The following ADH4 variants were observed in gnomAD, a reference collection of about 807,000 sequenced individuals.
ADH4 encodes all-trans-retinol dehydrogenase [NAD(+)] ADH4.
ADH4 carries 31 observed loss-of-function variants against 35.2 expected under a neutral mutation model. That is an observed-to-expected ratio of 0.88 (90% CI 0.66 to 1.19). ADH4 has a LOEUF of 1.19. Among genes scored for constraint, ADH4 ranks in the 50% most tolerant of loss-of-function variants. ADH4 has a pLI of 0.00. For missense variants in ADH4, 476 were observed against 458.3 expected (o/e 1.04, Z -0.35); for synonymous variants, 171 against 160.2 (o/e 1.07, Z -0.51).
Position 99,136,524 on chromosome 4 carries a change from A to ACT in ADH4, c.522_523dup (p.Val175GlufsTer33), listed in dbSNP as rs757321530. ...TGAAAACCCACATCCAAGCAGACAA[A>ACT]CTCTCTCTAAATTTGCATCATCATC... On this transcript the variant is annotated frameshift_variant, in exon 5 of 9. Coordinates refer to ENST00000265512, the MANE Select transcript of ADH4 (RefSeq NM_000670.5). LOFTEE classifies it high-confidence loss of function. The ACT allele has an allele frequency of 5.0e-6, 8 of 1,613,960 alleles. No homozygotes were observed. The highest frequency in any genetic ancestry group is 2.2e-5 in the South Asian group (2 of 91,076).
chr4:99,130,248 C>A (rs1560776214), intron 6 of ADH4, among the ~76,000 whole-genome samples: 1 of 152,140 alleles, frequency 6.6e-6, no homozygotes, highest in Non-Finnish European at 1.5e-5. Flanking sequence ...CAAACACTTT[C>A]AAAATTAAAT....
At position 99,124,474 on chromosome 4, in the gene ADH4, T is replaced by C. The variant is rs750738899; in HGVS notation, c.1119-8A>G. On this transcript the variant is annotated splice_region_variant and splice_polypyrimidine_tract_variant and intron_variant, in intron 8 of 8. Transcript: ENST00000265512. The stretch of plus-strand genomic sequence containing the variant: ...ATGAGGATTGTTCGGACGCTGTTAA[T>C]AACAATAAAACATTAATAAGTATAA... 3 of 1,455,272 alleles carry C rather than the reference T, an allele frequency of 2.1e-6. No homozygotes were observed. The South Asian group carries it at 3.8e-5, about 18-fold the overall frequency. 90.1% of individuals were successfully genotyped at this position (1,455,272 alleles called of 1,614,324 possible).
intron 4 of ADH4, among the ~76,000 whole-genome samples, chr4:99,137,766 C>T (rs1729493045): frequency 6.6e-6 from 1 of 152,164 alleles, no homozygotes; most frequent in African/African-American, 2.4e-5. Flanking sequence ...TATTATTCCT[C>T]CACAATATCT....
intron 1 of ADH4, 139 bp downstream of exon 1, chr4:99,144,066 C>T (rs1729724038): frequency 5.7e-6 from 5 of 874,156 alleles, no homozygotes; most frequent in Non-Finnish European, 8.9e-6. Context: ...GAATAAATTC[C>T]TGGCATAGGG....
intron 6 of ADH4, among the ~76,000 whole-genome samples, chr4:99,129,634 T>G (rs1729212836): frequency 6.6e-6 from 1 of 152,192 alleles, no homozygotes; most frequent in South Asian, 2.1e-4. Flanking sequence ...CAGCTTTGTC[T>G]CCCCTTGGAC....
chr4:99,131,889 G>A (rs745493258), intron 5 of ADH4, 125 bp from the exon 6 acceptor site: 50 of 1,016,554 alleles, frequency 4.9e-5, no homozygotes, highest in Non-Finnish European at 6.3e-5. Context: ...TAAACTCTAT[G>A]ATATAGCCAA....
chr4:99,128,991 GT>G (rs1437723928), intron 6 of ADH4, among the ~76,000 whole-genome samples: 2 of 151,936 alleles, frequency 1.3e-5, no homozygotes, highest in African/African-American at 4.8e-5. Context: ...GTAGAGGTGG[GT>G]TTTTGCCATG....
chr4:99,140,038 T>C (rs372677895), intron 3 of ADH4, among the ~76,000 whole-genome samples: 36 of 152,372 alleles, frequency 2.4e-4, no homozygotes, highest in Admixed American at 7.2e-4. Context: ...ATAGCCCATA[T>C]TCCAGTATCT....
chr4:99,140,891 A>T (rs1560781362), intron 3 of ADH4, among the ~76,000 whole-genome samples: 1 of 151,942 alleles, frequency 6.6e-6, no homozygotes, highest in African/African-American at 2.4e-5. Flanking sequence ...AAGGAAAAAC[A>T]ACACCTTTAA....
chr4:99,131,715 A>G lies in ADH4; in HGVS notation c.632T>C (p.Leu211Pro), dbSNP rs376782292. ...TGCTTTACAACCCATTACAGCAGAA[A>G]GACCCACACCTCCTAGGCCAAAGAC... ...CAVFGLGGVG[L>P]SAVMGCKAAG... Residue 211 changes from leucine to proline, a missense_variant, in exon 6 of 9, where the codon CTT (leucine) becomes CCT (proline). Physicochemically the swap from Leu to Pro is moderately conservative, Grantham distance 98 (BLOSUM62 -3). Transcript: ENST00000265512. The G allele has an allele frequency of 2.8e-5, 45 of 1,614,072 alleles. No individual in the cohort carries two copies. The highest frequency in any genetic ancestry group is 3.6e-5 in the Non-Finnish European group (43 of 1,180,014).
chr4:99,132,991 A>C (rs991385299), intron 5 of ADH4, among the ~76,000 whole-genome samples: 1 of 152,146 alleles, frequency 6.6e-6, no homozygotes, highest in South Asian at 2.1e-4. Flanking sequence ...TGTTCTTATG[A>C]TGGCTTCTTT....
chr4:99,130,745 C>A (rs1729245776), intron 6 of ADH4, among the ~76,000 whole-genome samples: 1 of 152,124 alleles, frequency 6.6e-6, no homozygotes, highest in South Asian at 2.1e-4. Flanking sequence ...ACAAGAATAT[C>A]CTGGGTTTGG....
rs1353708549 is a variant in ADH4 at position 99,136,567 on chromosome 4, TA to T, written c.480del (p.Asp160GlufsTer7). 2 of 1,614,176 alleles carry T rather than the reference TA, an allele frequency of 1.2e-6. No homozygotes were observed. Among genetic ancestry groups the T allele is most frequent in the Admixed American group, 1.7e-5 (1 of 60,024 alleles). The stretch of plus-strand genomic sequence containing the variant: ...TCATCATCTATTTTGGCAAGATTGA[TA>T]TCTGACACCACAGTGTACTGAGAGA... Reference protein sequence around the residue: ...STFSQYTVVSDINLAKIDDDA... With the variant: ...STFSQYTVVSXINLAKIDDDA... On this transcript the variant is annotated frameshift_variant, in exon 5 of 9. Coordinates refer to ENST00000265512, the MANE Select transcript of ADH4 (RefSeq NM_000670.5). LOFTEE classifies it high-confidence loss of function.
intron 6 of ADH4, 50 bp downstream of exon 6, chr4:99,131,454 A>G (rs1407195093): frequency 3.2e-6 from 5 of 1,569,238 alleles, no homozygotes; most frequent in Non-Finnish European, 4.3e-6. Context: ...CTATTATTTG[A>G]CAGCCAAAGA....
chr4:99,130,069 G>A (rs1005979163), intron 6 of ADH4, among the ~76,000 whole-genome samples: 12 of 152,010 alleles, frequency 7.9e-5, no homozygotes, highest in Non-Finnish European at 1.5e-4. Flanking sequence ...GTCTACATTA[G>A]GTTTTTAATT....
At chr4:99,133,362 T>A (rs1560777780) in intron 5 of ADH4, among the ~76,000 whole-genome samples, 1 of 152,200 alleles carries the variant, frequency 6.6e-6, no homozygotes, top group Non-Finnish European at 1.5e-5. Context: ...CTGTGTAATG[T>A]TGTTTAATTG....
intron 8 of ADH4, among the ~76,000 whole-genome samples, 184 bp downstream of exon 8, chr4:99,126,410 G>A (rs533660742): frequency 1.3e-5 from 2 of 152,302 alleles, no homozygotes; most frequent in African/African-American, 4.8e-5. Context: ...GTGTACAGAT[G>A]TGCATTATTG....
chr4:99,129,757 T>C (rs904967126), intron 6 of ADH4, among the ~76,000 whole-genome samples: 3 of 152,120 alleles, frequency 2.0e-5, no homozygotes, highest in Non-Finnish European at 4.4e-5. Context: ...GGTCTAGGAG[T>C]GAATGTTTTC....
intron 4 of ADH4, among the ~76,000 whole-genome samples, chr4:99,136,946 G>C (rs1224297889): frequency 6.9e-6 from 1 of 144,868 alleles, no homozygotes; most frequent in Non-Finnish European, 1.6e-5. Context: ...CTGGAGTGCA[G>C]GGAACAATTT....
Sources: allele counts gnomAD v4.1 joint callset (sites outside exome capture counted in the v4.1 genomes callset), GRCh38; gene constraint gnomAD v4.1.1; transcripts MANE v1.5; gene names NCBI Gene and HGNC (gene_info 2026-07-23, HGNC 2026-07-21).